The following TRPS1 variants were observed in gnomAD, a reference collection of about 807,000 sequenced individuals.
TRPS1 encodes the protein transcriptional repressor GATA binding 1.
A neutral mutation model predicts 101.2 loss-of-function variants in TRPS1; 6 were observed. The ratio of observed to expected loss-of-function variants is 0.06; its 90% CI spans 0.03 to 0.12. The LOEUF (loss-of-function observed/expected upper bound fraction) is 0.12, where lower values mean the gene tolerates loss of function less well. Among genes scored for constraint, TRPS1 ranks in the 10% least tolerant of loss-of-function variants. The pLI, the probability that TRPS1 is intolerant of heterozygous loss-of-function variation, is 1.00. For missense variants in TRPS1, 1,363 were observed against 1,567.0 expected (o/e 0.87, Z 2.20); for synonymous variants, 578 against 589.8 (o/e 0.98, Z 0.29).
intron 5 of TRPS1, among the ~76,000 whole-genome samples, chr8:115,555,402 A>G (rs1586397883): frequency 6.6e-6 from 1 of 152,194 alleles, no homozygotes; most frequent in East Asian, 1.9e-4. Flanking sequence ...CTTTGTAATT[A>G]TTAAAAACAA....
At chr8:115,567,741 A>G (rs1186778531) in intron 5 of TRPS1, among the ~76,000 whole-genome samples, 2 of 152,098 alleles carry the variant, frequency 1.3e-5, no homozygotes, top group African/African-American at 4.8e-5. Flanking sequence ...ACCTCTATCA[A>G]TGTGGACTTC....
In TRPS1 at chr8:115,410,065, T is replaced by G. The variant is rs1020865352; in HGVS notation, c.*3958A>C. 1 of 152,042 alleles carries G rather than the reference T, an allele frequency of 6.6e-6. No individual in the cohort carries two copies. Among genetic ancestry groups the G allele is most frequent in the Admixed American group, 6.6e-5 (1 of 15,200 alleles). The allele number at this position is 152,042 out of a possible 1,614,324, so 9.4% of individuals were successfully genotyped here. The stretch of plus-strand genomic sequence containing the variant: ...ATTTCCACCACTGGATGGCAGATAT[T>G]CCCCCTCTAGAAATGCATTAATTTT... On this transcript the variant is annotated 3_prime_UTR_variant, in exon 7 of 7. Transcript: ENST00000395715.
At chr8:115,538,911 C>G (rs933120474) in intron 5 of TRPS1, among the ~76,000 whole-genome samples, 1 of 152,156 alleles carries the variant, frequency 6.6e-6, no homozygotes, top group African/African-American at 2.4e-5. Flanking sequence ...TTTAAAACAA[C>G]CTCTCCAACA....
intron 3 of TRPS1, among the ~76,000 whole-genome samples, chr8:115,612,108 GAGA>G (rs1818182013): frequency 6.6e-6 from 1 of 151,256 alleles, no homozygotes; most frequent in Admixed American, 6.6e-5. Context: ...ATGAAAAAAA[GAGA>G]AGGAGAAAGG....
chr8:115,641,910 C>T (rs1017998877), intron 1 of TRPS1, among the ~76,000 whole-genome samples: 1 of 151,264 alleles, frequency 6.6e-6, no homozygotes, highest in Admixed American at 6.6e-5. Flanking sequence ...CAAAACAAAA[C>T]TCCATTTTCA....
At chr8:115,515,886 T>C (rs994988924) in intron 5 of TRPS1, among the ~76,000 whole-genome samples, 8 of 151,442 alleles carry the variant, frequency 5.3e-5, no homozygotes, top group African/African-American at 1.9e-4. Context: ...TAAAAATAAT[T>C]TGGGTTCTGA....
At chr8:115,455,514 T>C (rs573041952) in intron 5 of TRPS1, among the ~76,000 whole-genome samples, 1 of 152,280 alleles carries the variant, frequency 6.6e-6, no homozygotes, top group East Asian at 1.9e-4. Context: ...TTTAGACTCA[T>C]GCACTGAGTC....
intron 5 of TRPS1, among the ~76,000 whole-genome samples, chr8:115,532,663 A>G (rs1816164373): frequency 6.6e-6 from 1 of 152,160 alleles, no homozygotes; most frequent in South Asian, 2.1e-4. Context: ...TGAGACCAAT[A>G]TATTTATATT....
In TRPS1 at chr8:115,411,133, A is replaced by G. The variant is rs559455361; in HGVS notation, c.*2890T>C. The G allele has an allele frequency of 6.6e-6, 1 of 152,440 alleles. No homozygotes were observed. Among genetic ancestry groups the G allele is most frequent in the South Asian group, 2.1e-4 (1 of 4,828 alleles). The allele number at this position is 152,440 out of a possible 1,614,324, so 9.4% of individuals were successfully genotyped here. ...ATAATGAAAGCAAAAAATGAAAATA[A>G]AATTATCAATAATAAAGAAGTATGG... On this transcript the variant is annotated 3_prime_UTR_variant, in exon 7 of 7. Coordinates refer to ENST00000395715, the MANE Select transcript of TRPS1 (RefSeq NM_014112.5).
intron 5 of TRPS1, among the ~76,000 whole-genome samples, chr8:115,467,244 T>A (rs946455115): frequency 6.6e-6 from 1 of 152,140 alleles, no homozygotes; most frequent in African/African-American, 2.4e-5. Flanking sequence ...GAAGTGGCAG[T>A]GTCCTTTTCC....
rs1436984816 is a variant in TRPS1 at position 115,411,295 on chromosome 8, T to C, written c.*2728A>G. The C allele has an allele frequency of 6.6e-6, 1 of 151,696 alleles. No individual in the cohort carries two copies. Among genetic ancestry groups the C allele is most frequent in the Non-Finnish European group, 1.5e-5 (1 of 67,800 alleles). 9.4% of individuals were successfully genotyped at this position (151,696 alleles called of 1,614,324 possible). A position where few individuals can be genotyped will look rare whatever the true frequency, so the allele number is the denominator to read the frequency against. On this transcript the variant is annotated 3_prime_UTR_variant, in exon 7 of 7. Transcript: ENST00000395715. ...ATGTCTGTCTGAGAAAAAAAAAAAA[T>C]TGAATGAAAATAAAAAGGCATACAT...
At chr8:115,554,967 G>A (rs1369960422) in intron 5 of TRPS1, among the ~76,000 whole-genome samples, 1 of 151,990 alleles carries the variant, frequency 6.6e-6, no homozygotes, top group Non-Finnish European at 1.5e-5. Flanking sequence ...AGGGCAAGAG[G>A]GCGAAAATAA....
chr8:115,444,332 C>T (rs906567729), intron 5 of TRPS1, among the ~76,000 whole-genome samples: 1 of 151,802 alleles, frequency 6.6e-6, no homozygotes, highest in African/African-American at 2.4e-5. Context: ...TGATTTCTTA[C>T]CATCATGTCT....
At chr8:115,592,483 A>G (rs1413703473) in intron 4 of TRPS1, among the ~76,000 whole-genome samples, 3 of 152,206 alleles carry the variant, frequency 2.0e-5, no homozygotes, top group African/African-American at 7.2e-5. Flanking sequence ...TTAAGCAGTA[A>G]ACTGTTAAAC....
chr8:115,415,870 C>T (rs911891101), intron 6 of TRPS1, among the ~76,000 whole-genome samples: 11 of 152,008 alleles, frequency 7.2e-5, no homozygotes, highest in Non-Finnish European at 1.3e-4. Context: ...CAAATACATG[C>T]GTGCTTCTAA....
intron 5 of TRPS1, among the ~76,000 whole-genome samples, chr8:115,451,612 A>G (rs747320545): frequency 6.6e-6 from 1 of 152,162 alleles, no homozygotes; most frequent in Non-Finnish European, 1.5e-5. Context: ...AAAATTGCCA[A>G]TCAATCATGT....
chr8:115,648,788 G>A (rs898586458), intron 1 of TRPS1, among the ~76,000 whole-genome samples: 2 of 151,814 alleles, frequency 1.3e-5, no homozygotes. Context: ...TAACAGACAC[G>A]CTGGATAATA....
chr8:115,477,059 T>A (rs969858028), intron 5 of TRPS1, among the ~76,000 whole-genome samples: 3 of 152,198 alleles, frequency 2.0e-5, no homozygotes, highest in Non-Finnish European at 4.4e-5. Context: ...GTTGGCACAG[T>A]ATCCTCTTCA....
intron 5 of TRPS1, among the ~76,000 whole-genome samples, chr8:115,561,853 T>A (rs1356551594): frequency 6.6e-6 from 1 of 151,694 alleles, no homozygotes; most frequent in Non-Finnish European, 1.5e-5. Flanking sequence ...AAGAACACAA[T>A]TGCTAGTAAA....
Sources: gnomAD v4.1 joint callset for allele counts (sites outside exome capture counted in the v4.1 genomes callset) on GRCh38, gnomAD v4.1.1 for gene constraint, MANE v1.5 for transcripts, NCBI Gene and HGNC (gene_info 2026-07-23, HGNC 2026-07-21) for gene names.